PIK3C3: variants seen among roughly 807,000 people sequenced by gnomAD.
PIK3C3 encodes the protein phosphatidylinositol 3-kinase catalytic subunit type 3, also known as PI3-kinase type 3.
A neutral mutation model predicts 126.1 loss-of-function variants in PIK3C3; 95 were observed. The ratio of observed to expected loss-of-function variants is 0.75; its 90% confidence interval spans 0.64 to 0.89. The LOEUF is 0.89. Among genes scored for constraint, PIK3C3 ranks in the 40% least tolerant of loss-of-function variants. The pLI, the probability that PIK3C3 is intolerant of heterozygous loss-of-function variation, is 0.00. For synonymous variants in PIK3C3, 374 were observed against 360.0 expected, an observed-to-expected ratio of 1.04 and a Z score of -0.44; for missense variants, 829 against 1,063.2, an observed-to-expected ratio of 0.78 and a Z score of 3.06.
chr18:42,077,126 A>G lies in PIK3C3; in HGVS notation c.2650-3997A>G, dbSNP rs1249266193. Among the ~76,000 whole-genome samples, 7 of 152,238 alleles carry G rather than the reference A, an allele frequency of 4.6e-5. No individual in the cohort carries two copies. In the South Asian group the frequency reaches 1.0e-3, roughly 22 times the overall value. On this transcript the variant is annotated intron_variant, in intron 24 of 24. Transcript: ENST00000262039. ...TTACATGATACTATGCAGTAGCATT[A>G]TGTCTTTAAAAACTATGTGCCTATC... is the stretch of plus-strand genomic sequence containing the variant.
rs749363792 is a variant in PIK3C3 at position 41,955,248 on chromosome 18, G to A, written c.-44G>A. The A allele has an allele frequency of 6.5e-7, 1 of 1,541,782 alleles. No individual in the cohort carries two copies. The highest frequency in any genetic ancestry group is 2.3e-5 in the East Asian group (1 of 43,560). ...CTGGTTCATTTATGTTGTTTTTCCT[G>A]TACCTAAGTTCCCGCTGTAGGTGGT... On this transcript the variant is annotated 5_prime_UTR_variant, in exon 1 of 25. Transcript: ENST00000262039.
Position 42,084,473 on chromosome 18 carries a change from C to A in PIK3C3, c.*3336C>A, listed in dbSNP as rs1282935147. The A allele has an allele frequency of 2.0e-5, 3 of 149,894 alleles. No homozygotes were observed. The highest frequency in any genetic ancestry group is 4.4e-5 in the Non-Finnish European group (3 of 67,692). The allele number at this position is 149,894 out of a possible 1,614,324, so 9.3% of individuals were successfully genotyped here. The stretch of plus-strand genomic sequence containing the variant: ...GAGTAATTTTGATATATTAATATTT[C>A]ACTTATAAGAATGCATACCACCTGA... On this transcript the variant is annotated 3_prime_UTR_variant, in exon 25 of 25. Coordinates refer to ENST00000262039, the MANE Select transcript of PIK3C3 (RefSeq NM_002647.4).
Position 42,081,520 on chromosome 18 carries a change from A to G in PIK3C3, c.*383A>G, listed in dbSNP as rs1232415097. On this transcript the variant is annotated 3_prime_UTR_variant, in exon 25 of 25. Coordinates refer to ENST00000262039, the MANE Select transcript of PIK3C3 (RefSeq NM_002647.4). ...TCCTCTTATATCTTCATATCAGGAC[A>G]GCAGTAACCTGAATTTAGATTGTCA... is the stretch of plus-strand genomic sequence containing the variant. The G allele has an allele frequency of 1.6e-5, 3 of 186,886 alleles. No homozygotes were observed. Among genetic ancestry groups the G allele is most frequent in the Non-Finnish European group, 3.3e-5 (3 of 90,258 alleles). The allele number at this position is 186,886 out of a possible 1,614,324, so 11.6% of individuals were successfully genotyped here.
At chr18:42,034,269 G>A (rs1428451164) in intron 16 of PIK3C3, among the ~76,000 whole-genome samples, 1 of 151,992 alleles carries the variant, frequency 6.6e-6, no homozygotes, top group African/African-American at 2.4e-5. Flanking sequence ...ATCCAGGCTG[G>A]TCTCATACTC....
rs573139319 is a variant in PIK3C3 at position 42,049,681 on chromosome 18, A to G, written c.2263+76A>G. ...TTACCCCTGAATCTATGTACTAACA[A>G]GATAAGTTGCGGCCTGGCGCGGTGG... is the stretch of plus-strand genomic sequence containing the variant. On this transcript the variant is annotated intron_variant, in intron 21 of 24. Transcript: ENST00000262039. 3.3e-6 allele frequency: 4 copies of G among 1,222,932 alleles called. No homozygotes were observed. In the East Asian group the frequency reaches 9.4e-5, roughly 29 times the overall value. 75.8% of individuals were successfully genotyped at this position (1,222,932 alleles called of 1,614,324 possible).
chr18:41,996,158 T>C (rs953479776), intron 8 of PIK3C3, among the ~76,000 whole-genome samples, 164 bp downstream of exon 8: 9 of 152,178 alleles, frequency 5.9e-5, no homozygotes, highest in Non-Finnish European at 8.8e-5. Context: ...TCTGTTATCA[T>C]TTGGGGCTTT....
intron 10 of PIK3C3, among the ~76,000 whole-genome samples, chr18:42,010,502 A>T (rs1982773027): frequency 6.6e-6 from 1 of 152,110 alleles, no homozygotes; most frequent in Non-Finnish European, 1.5e-5. Context: ...AGTAGCTGAG[A>T]TTACAGGCGT....
At chr18:42,008,104 A>C (rs1363763665) in intron 10 of PIK3C3, among the ~76,000 whole-genome samples, 1 of 151,986 alleles carries the variant, frequency 6.6e-6, no homozygotes, top group Non-Finnish European at 1.5e-5. Context: ...ACATTTCCTA[A>C]TGTTTTATCA....
Position 41,995,893 on chromosome 18 carries a change from A to G in PIK3C3, c.790A>G (p.Asn264Asp). ...AATATTTTAAAATAATTTGTAGGAG[A>G]ATTTAGTTGAGAGCAAACACCACAA... ...KVPDPQMSME[N>D]LVESKHHKLA... Residue 264 changes from asparagine to aspartate, a missense_variant, in exon 8 of 25, where the codon AAT becomes GAT. By Grantham distance (23) the Asn-to-Asp change is conservative. Transcript: ENST00000262039. The G allele has an allele frequency of 6.2e-7, 1 of 1,605,806 alleles. No individual in the cohort carries two copies. Among genetic ancestry groups the G allele is most frequent in the Non-Finnish European group, 8.5e-7 (1 of 1,173,036 alleles).
intron 9 of PIK3C3, among the ~76,000 whole-genome samples, chr18:42,003,282 G>T (rs1410695053): frequency 6.6e-6 from 1 of 152,164 alleles, no homozygotes; most frequent in Non-Finnish European, 1.5e-5. Flanking sequence ...GTTGGGCAGA[G>T]CAGGGGTCTT....
chr18:42,020,343 C>T (rs996810765), intron 12 of PIK3C3, among the ~76,000 whole-genome samples: 1 of 152,102 alleles, frequency 6.6e-6, no homozygotes, highest in Non-Finnish European at 1.5e-5. Flanking sequence ...GTTGCCTTTT[C>T]TAATCTCCCA....
chr18:41,979,895 T>TATTATTATTATTATTATC lies in PIK3C3; in HGVS notation c.532-7907_532-7906insTTATTATCATTATTATTA, dbSNP rs142491238. ...ATGCCATTATTATTATTATTATTAT[T>TATTATTATTATTATTATC]ATTATTATTAGCTATTCTGAAAAGG... On this transcript the variant is annotated intron_variant, in intron 4 of 24. Transcript: ENST00000262039. Among the ~76,000 whole-genome samples the TATTATTATTATTATTATC allele has an allele frequency of 3.0e-3, 450 of 149,726 alleles. 1 individual carries two copies. The highest frequency in any genetic ancestry group is 0.01 in the African/African-American group (412 of 40,868).
intron 4 of PIK3C3, among the ~76,000 whole-genome samples, chr18:41,980,120 ATTG>A (rs1171068349): frequency 6.6e-6 from 1 of 152,060 alleles, no homozygotes; most frequent in Non-Finnish European, 1.5e-5. Context: ...TCCCCTTATT[ATTG>A]TTACATAATT....
intron 3 of PIK3C3, among the ~76,000 whole-genome samples, chr18:41,963,463 A>G (rs1044119442): frequency 1.7e-4 from 26 of 152,248 alleles, no homozygotes; most frequent in African/African-American, 6.0e-4. Context: ...AGACCCTTCA[A>G]GTAGACCCCG....
At chr18:42,013,010 T>A (rs1982900485) in intron 10 of PIK3C3, among the ~76,000 whole-genome samples, 1 of 152,148 alleles carries the variant, frequency 6.6e-6, no homozygotes, top group Admixed American at 6.5e-5. Context: ...TGGAATTTCT[T>A]GTGTAATATT....
chr18:41,989,612 A>G (rs1238032492), intron 5 of PIK3C3, among the ~76,000 whole-genome samples: 2 of 152,136 alleles, frequency 1.3e-5, no homozygotes, highest in East Asian at 3.9e-4. Context: ...ATTGTGTTAC[A>G]GTTGCCCACA....
intron 14 of PIK3C3, among the ~76,000 whole-genome samples, chr18:42,028,224 A>T (rs1041421980): frequency 6.6e-6 from 1 of 150,754 alleles, no homozygotes; most frequent in Non-Finnish European, 1.5e-5. Context: ...CTGTGCATGG[A>T]ATTAAAAAAA....
rs1986357515 is a variant in PIK3C3, at chr18:42,084,586, A to AAAAAAAAAAAAAAAAAAAAAAG, written c.*3469_*3470insAGAAAAAAAAAAAAAAAAAAAA. ...AGTATAGAGTAGCTAAAAACAAACC[A>AAAAAAAAAAAAAAAAAAAAAAG]AAAAAAAAAAAAAAAAAAAAGGAAA... is the stretch of plus-strand genomic sequence containing the variant. On this transcript the variant is annotated 3_prime_UTR_variant, in exon 25 of 25. Transcript: ENST00000262039. The AAAAAAAAAAAAAAAAAAAAAAG allele has an allele frequency of 5.0e-5, 1 of 20,112 alleles. No homozygotes were observed. Among genetic ancestry groups the AAAAAAAAAAAAAAAAAAAAAAG allele is most frequent in the Non-Finnish European group, 7.2e-5 (1 of 13,802 alleles). The allele number at this position is 20,112 out of a possible 1,614,324, so 1.2% of individuals were successfully genotyped here. A position where few individuals can be genotyped will look rare whatever the true frequency, so the allele number is the denominator to read the frequency against.
rs147222988 is a variant in PIK3C3 at position 42,040,267 on chromosome 18, A to C, written c.2039-410A>C. 2.2e-4 allele frequency among the ~76,000 whole-genome samples: 34 copies of C among 151,244 alleles called. No individual in the cohort carries two copies. In the East Asian group the frequency reaches 6.4e-3, roughly 28 times the overall value. ...AGGAGCCATTACATAACAGTTTTAC[A>C]TACAGCTTTTAGGGTTAGGTAATTG... On this transcript the variant is annotated intron_variant, in intron 18 of 24. Coordinates refer to ENST00000262039, the MANE Select transcript of PIK3C3 (RefSeq NM_002647.4).
Sources: gnomAD v4.1 joint callset for allele counts (sites outside exome capture counted in the v4.1 genomes callset) on GRCh38, gnomAD v4.1.1 for gene constraint, MANE v1.5 for transcripts, NCBI Gene and HGNC (gene_info 2026-07-23, HGNC 2026-07-21) for gene names.